The following SGCD variants were observed in gnomAD, a reference collection of about 807,000 sequenced individuals.
SGCD encodes delta-sarcoglycan.
SGCD carries 18 observed loss-of-function variants against 36.6 expected under a neutral mutation model. The ratio of observed to expected loss-of-function variants is 0.49; its 90% CI spans 0.34 to 0.73. SGCD has a LOEUF of 0.73. Ranked by LOEUF, SGCD falls within the 30% of genes least tolerant of loss-of-function variation. The probability of loss-of-function intolerance (pLI) is 0.01; values close to 1 mark genes in which losing one functional copy is unlikely to be tolerated. For missense variants in SGCD, 387 were observed against 346.7 expected, an observed-to-expected ratio of 1.12 and a Z score of -0.92; for synonymous variants, 133 against 130.6, an observed-to-expected ratio of 1.02 and a Z score of -0.12.
chr5:156,294,740 A>G (rs987285069), intron 3 of SGCD, among the ~76,000 whole-genome samples: 1 of 152,144 alleles, frequency 6.6e-6, no homozygotes, highest in African/African-American at 2.4e-5. Context: ...TGAGATGATC[A>G]TGTGGTTCCT....
the SGCD span, among the ~76,000 whole-genome samples, chr5:155,783,201 A>G: frequency 1.3e-5 from 2 of 152,214 alleles, no homozygotes; most frequent in African/African-American, 4.8e-5. Context: ...AGAGAATTCT[A>G]TAATTGTGAG....
chr5:156,429,038 A>G (rs1250012188), intron 3 of SGCD, among the ~76,000 whole-genome samples: 1 of 151,962 alleles, frequency 6.6e-6, no homozygotes, highest in Non-Finnish European at 1.5e-5. Flanking sequence ...CTTCTAGGAT[A>G]TAGTTTAAGT....
intron 1 of SGCD, among the ~76,000 whole-genome samples, chr5:155,879,549 C>A (rs1219816008): frequency 6.6e-6 from 1 of 152,060 alleles, no homozygotes; most frequent in African/African-American, 2.4e-5. Flanking sequence ...AGTATTCTTT[C>A]TTGTAACAAG....
chr5:156,043,900 C>T (rs1251019616), intron 1 of SGCD, among the ~76,000 whole-genome samples: 1 of 152,016 alleles, frequency 6.6e-6, no homozygotes, highest in Non-Finnish European at 1.5e-5. Flanking sequence ...AGTTAATCAA[C>T]AAACATTTAT....
intron 7 of SGCD, among the ~76,000 whole-genome samples, chr5:156,719,797 C>T (rs557963174): frequency 2.0e-5 from 3 of 151,544 alleles, no homozygotes; most frequent in East Asian, 1.9e-4. Context: ...AGGCCCTAAG[C>T]ACAGAGGGTG....
intron 7 of SGCD, among the ~76,000 whole-genome samples, chr5:156,724,942 T>C (rs926073798): frequency 6.6e-6 from 1 of 152,212 alleles, no homozygotes; most frequent in Admixed American, 6.5e-5. Flanking sequence ...TAAAATATAA[T>C]GTAAGATGAT....
At chr5:155,916,752 T>G (rs1756750921) in intron 1 of SGCD, among the ~76,000 whole-genome samples, 1 of 152,206 alleles carries the variant, frequency 6.6e-6, no homozygotes, top group African/African-American at 2.4e-5. Context: ...AAGTTTAGAG[T>G]GACAGTAACA....
chr5:156,708,058 T>A (rs1754817790), intron 7 of SGCD, among the ~76,000 whole-genome samples: 1 of 152,182 alleles, frequency 6.6e-6, no homozygotes, highest in African/African-American at 2.4e-5. Flanking sequence ...TTAAGTCTTG[T>A]GGTGCTAGTT....
chr5:155,869,407 A>G (rs1461283134), upstream of SGCD, among the ~76,000 whole-genome samples: 2 of 151,988 alleles, frequency 1.3e-5, no homozygotes, highest in Non-Finnish European at 2.9e-5. Flanking sequence ...TGTATAAATG[A>G]TTTTTTTTCT....
At chr5:155,835,002 A>ATTTTTTTTTTTT in the SGCD span, among the ~76,000 whole-genome samples, 5 of 60,184 alleles carry the variant, frequency 8.3e-5, 1 homozygote, top group Non-Finnish European at 1.2e-4. Flanking sequence ...TGCCCAGCTA[A>ATTTTTTTTTTTT]TTTTTTTTTT....
chr5:156,165,359 A>T (rs186466101), intron 3 of SGCD, among the ~76,000 whole-genome samples: 163 of 152,362 alleles, frequency 1.1e-3, no homozygotes, highest in African/African-American at 3.8e-3. Flanking sequence ...AAAAATGAAA[A>T]AAAAGTAAAA....
intron 3 of SGCD, among the ~76,000 whole-genome samples, chr5:156,210,927 G>A (rs1395744645): frequency 6.6e-6 from 1 of 151,852 alleles, no homozygotes; most frequent in Non-Finnish European, 1.5e-5. Flanking sequence ...TATAAATCTG[G>A]GGGAAAGAGT....
chr5:156,140,325 G>A (rs1161786050), intron 3 of SGCD, among the ~76,000 whole-genome samples: 1 of 152,184 alleles, frequency 6.6e-6, no homozygotes, highest in Non-Finnish European at 1.5e-5. Context: ...GGTGCTTCTG[G>A]TAGGGGCTCA....
chr5:155,977,489 G>A (rs935699231), intron 1 of SGCD, among the ~76,000 whole-genome samples: 1 of 152,124 alleles, frequency 6.6e-6, no homozygotes, highest in African/African-American at 2.4e-5. Flanking sequence ...ACATGGAATG[G>A]TGTTTAATAA....
chr5:156,767,294 C>T lies in SGCD; in HGVS notation c.*7904C>T, dbSNP rs1362741168. On this transcript the variant is annotated 3_prime_UTR_variant, in exon 9 of 9. Coordinates refer to ENST00000337851, the MANE Select transcript of SGCD (RefSeq NM_000337.6). The stretch of plus-strand genomic sequence containing the variant: ...TTTTTCATGTATCAACCACCTCCCC[C>T]AGTCAGGTTTCTCCCTTTTTGAGAT... The T allele has an allele frequency of 1.3e-5, 2 of 152,060 alleles. No individual in the cohort carries two copies. The highest frequency in any genetic ancestry group is 2.9e-5 in the Non-Finnish European group (2 of 68,014). The allele number at this position is 152,060 out of a possible 1,614,324, so 9.4% of individuals were successfully genotyped here. A position where few individuals can be genotyped will look rare whatever the true frequency, so the allele number is the denominator to read the frequency against.
At chr5:156,268,576 TTC>T (rs2127668470) in intron 3 of SGCD, among the ~76,000 whole-genome samples, 1 of 151,060 alleles carries the variant, frequency 6.6e-6, no homozygotes, top group African/African-American at 2.5e-5. Context: ...CCTTCCTTCC[TTC>T]CTTCCTTCCT....
At chr5:155,815,912 C>T in the SGCD span, among the ~76,000 whole-genome samples, 1 of 152,072 alleles carries the variant, frequency 6.6e-6, no homozygotes, top group Non-Finnish European at 1.5e-5. Context: ...CAGTTTTGCA[C>T]ATTGGAAAAC....
At chr5:156,417,560 A>G (rs756961590) in intron 3 of SGCD, among the ~76,000 whole-genome samples, 2 of 152,140 alleles carry the variant, frequency 1.3e-5, no homozygotes, top group Admixed American at 6.5e-5. Flanking sequence ...CAGTCTGGAA[A>G]GTCCCAAATC....
chr5:156,681,919 A>C lies in SGCD; in HGVS notation c.575+34383A>C, dbSNP rs561306696. 1.3e-3 allele frequency among the ~76,000 whole-genome samples: 194 copies of C among 152,356 alleles called. 2 individuals carry two copies. Among genetic ancestry groups the C allele is most frequent in the African/African-American group, 4.6e-3 (190 of 41,580 alleles). On this transcript the variant is annotated intron_variant, in intron 7 of 8. Coordinates refer to ENST00000337851, the MANE Select transcript of SGCD (RefSeq NM_000337.6). ...ATGTCAAATGACGTTGCCAAAGCAA[A>C]TGCTATTATGAAAGTGAAAATATAA...
Sources: gnomAD v4.1 joint callset for allele counts (sites outside exome capture counted in the v4.1 genomes callset) on GRCh38, gnomAD v4.1.1 for gene constraint, MANE v1.5 for transcripts, NCBI Gene and HGNC (gene_info 2026-07-23, HGNC 2026-07-21) for gene names.